CTSK: variants seen among roughly 807,000 people sequenced by gnomAD.
The protein encoded by CTSK is cathepsin O.
CTSK carries 26 observed loss-of-function variants against 40.5 expected under a neutral mutation model. The ratio of observed to expected loss-of-function variants is 0.64; its 90% CI spans 0.47 to 0.89. The LOEUF (loss-of-function observed/expected upper bound fraction) is 0.89, where lower values mean the gene tolerates loss of function less well. CTSK is among the 40% of genes least tolerant of loss of function. The probability of loss-of-function intolerance (pLI) is 0.00; values close to 1 mark genes in which losing one functional copy is unlikely to be tolerated. For missense variants in CTSK, 292 were observed against 400.1 expected, an observed-to-expected ratio of 0.73 and a Z score of 2.30; for synonymous variants, 132 against 143.2, an observed-to-expected ratio of 0.92 and a Z score of 0.56.
chr1:150,802,603 G>A (rs983361601), intron 5 of CTSK, among the ~76,000 whole-genome samples: 1 of 152,064 alleles, frequency 6.6e-6, no homozygotes, highest in African/African-American at 2.4e-5. Flanking sequence ...TTTCTGTAGA[G>A]ATGAGGTCTT....
Position 150,806,242 on chromosome 1 carries a change from A to T in CTSK, c.121-18T>A. On this transcript the variant is annotated intron_variant, in intron 2 of 7. Transcript: ENST00000271651. ...TCATCCACCTAAACAAAGCATAGTC[A>T]GTACTTGTATAGACTGTCTACAGTT... 2 of 1,612,970 alleles carry T rather than the reference A, an allele frequency of 1.2e-6. No individual in the cohort carries two copies. The highest frequency in any genetic ancestry group is 1.7e-5 in the Admixed American group (1 of 60,010).
At chr1:150,798,922 C>A (rs1653927039) in intron 7 of CTSK, among the ~76,000 whole-genome samples, 1 of 152,186 alleles carries the variant, frequency 6.6e-6, no homozygotes, top group Non-Finnish European at 1.5e-5. Context: ...TATAGCCAAA[C>A]AAACCTCGTT....
rs181056495 is a variant in CTSK, at chr1:150,796,396, C to T, written c.*403G>A. On this transcript the variant is annotated 3_prime_UTR_variant, in exon 8 of 8. Transcript: ENST00000271651. ...TCTACCTTGAGGATATAGAAGGGAACTTAGGAAGTGAGAAGTCAGATTACC... is the reference window on the plus strand; with the variant it reads ...TCTACCTTGAGGATATAGAAGGGAATTTAGGAAGTGAGAAGTCAGATTACC... The T allele has an allele frequency of 5.9e-4, 146 of 245,406 alleles. No homozygotes were observed. The highest frequency in any genetic ancestry group is 3.0e-3 in the African/African-American group (136 of 45,240). The allele number at this position is 245,406 out of a possible 1,614,324, so 15.2% of individuals were successfully genotyped here.
chr1:150,800,758 A>G (rs1653975191), intron 5 of CTSK: 1 of 155,364 alleles, frequency 6.4e-6, no homozygotes, highest in African/African-American at 2.4e-5. Flanking sequence ...TACTGTGATC[A>G]TGCTGTGAAT....
intron 5 of CTSK, among the ~76,000 whole-genome samples, chr1:150,800,031 C>A (rs1441871726): frequency 1.3e-5 from 2 of 151,820 alleles, no homozygotes; most frequent in African/African-American, 2.4e-5. Flanking sequence ...CCTGTCTCTA[C>A]TAAAAATGCA....
At chr1:150,804,363 G>T in intron 4 of CTSK, 124 bp from the exon 5 acceptor site, 1 of 780,394 alleles carries the variant, frequency 1.3e-6, no homozygotes, top group Non-Finnish European at 2.2e-6. Context: ...ATTGTTGTGA[G>T]TCTTCCTCTT....
At chr1:150,802,937 A>G (rs1337244654) in intron 5 of CTSK, among the ~76,000 whole-genome samples, 1 of 152,186 alleles carries the variant, frequency 6.6e-6, no homozygotes, top group Non-Finnish European at 1.5e-5. Flanking sequence ...AGAGATAAAA[A>G]CAGTTAATTC....
intron 5 of CTSK, among the ~76,000 whole-genome samples, chr1:150,801,317 C>A (rs1462540420): frequency 6.6e-6 from 1 of 152,030 alleles, no homozygotes; most frequent in African/African-American, 2.4e-5. Context: ...TGGGGTTTCA[C>A]CATGTTATCC....
intron 2 of CTSK, 121 bp downstream of exon 2, chr1:150,806,565 G>C: frequency 1.6e-6 from 2 of 1,279,348 alleles, no homozygotes; most frequent in African/African-American, 1.5e-5. Flanking sequence ...ACATGAGTTA[G>C]GGAAGAGGGA....
Position 150,804,239 on chromosome 1 carries a change from C to T in CTSK, c.400G>A (p.Gly134Ser), listed in dbSNP as rs1226682505. 6.2e-7 allele frequency: 1 copy of T among 1,611,524 alleles called. No individual in the cohort carries two copies. Among genetic ancestry groups the T allele is most frequent in the Non-Finnish European group, 8.5e-7 (1 of 1,177,640 alleles). Residue 134 changes from glycine (G) to serine (S), a missense_variant and splice_region_variant, in exon 5 of 8, where the codon GGT (glycine) becomes AGT (serine). Coordinates refer to ENST00000271651, the MANE Select transcript of CTSK (RefSeq NM_000396.4). ...AAAGCCCAACAGGAACCACACTGACCCTGAAAGGCATACAGAGAAACTATC... is the reference window on the plus strand; with the variant it reads ...AAAGCCCAACAGGAACCACACTGACTCTGAAAGGCATACAGAGAAACTATC... ...KGYVTPVKNQ[G>S]QCGSCWAFSS...
chr1:150,807,320 A>T, intron 1 of CTSK: 1 of 471,420 alleles, frequency 2.1e-6, no homozygotes, highest in Non-Finnish European at 4.4e-6. Context: ...TTTCGTGCCT[A>T]AATTCTGGTA....
chr1:150,798,732 G>T (rs1020828210), intron 7 of CTSK, among the ~76,000 whole-genome samples: 1 of 152,178 alleles, frequency 6.6e-6, no homozygotes, highest in Admixed American at 6.5e-5. Context: ...CCTTGGTGAT[G>T]AGTGAGTTCT....
intron 5 of CTSK, among the ~76,000 whole-genome samples, chr1:150,800,194 C>CAAAGAAAAAAA (rs1653963335): frequency 1.4e-5 from 1 of 71,716 alleles, no homozygotes; most frequent in Non-Finnish European, 2.4e-5. Context: ...GACTCCATCT[C>CAAAGAAAAAAA]AAAAAAAAAA....
At chr1:150,802,131 A>G (rs895990088) in intron 5 of CTSK, among the ~76,000 whole-genome samples, 1 of 151,496 alleles carries the variant, frequency 6.6e-6, no homozygotes, top group African/African-American at 2.4e-5. Flanking sequence ...TACAAAAACT[A>G]GCCGGGCGTG....
intron 5 of CTSK, 93 bp from the exon 6 acceptor site, chr1:150,799,802 G>T: frequency 8.4e-7 from 1 of 1,183,870 alleles, no homozygotes; most frequent in Non-Finnish European, 1.3e-6. Context: ...AGTGATGCCA[G>T]TGAACTAACA....
intron 4 of CTSK, 42 bp downstream of exon 4, chr1:150,805,819 C>A: frequency 6.2e-7 from 1 of 1,609,746 alleles, no homozygotes; most frequent in South Asian, 1.1e-5. Flanking sequence ...AGGAAAAGGT[C>A]ATGCCAGATT....
At position 150,806,205 on chromosome 1, in the gene CTSK, C is replaced by T. The variant is rs199909074; in HGVS notation, c.140G>A (p.Arg47His). ...CTTCAGGTTTTTTTCCCAAATTAAA[C>T]GCCGAGAGATTTCATCCACCTAAAC... The part of the protein sequence containing the change: ...YNNKVDEISR[R>H]LIWEKNLKYI... The change falls in exon 3 of 8, where the codon CGT (arginine) becomes CAT (histidine). Residue 47 changes from arginine to histidine, a missense_variant. Coordinates refer to ENST00000271651, the MANE Select transcript of CTSK (RefSeq NM_000396.4). 2.5e-5 allele frequency: 41 copies of T among 1,613,964 alleles called. No individual in the cohort carries two copies. The highest frequency in any genetic ancestry group is 2.3e-4 in the Admixed American group (14 of 60,012).
intron 5 of CTSK, among the ~76,000 whole-genome samples, chr1:150,802,825 G>A (rs587713387): frequency 6.6e-6 from 1 of 152,150 alleles, no homozygotes; most frequent in Non-Finnish European, 1.5e-5. Flanking sequence ...TTGAGCCCAG[G>A]AAGTGGAGGC....
chr1:150,799,843 T>A, intron 5 of CTSK, 134 bp from the exon 6 acceptor site: 1 of 880,354 alleles, frequency 1.1e-6, no homozygotes. Flanking sequence ...CTAGAGAGGG[T>A]CTGTTCTTCC....
Sources: gnomAD v4.1 joint callset for allele counts (sites outside exome capture counted in the v4.1 genomes callset) on GRCh38, gnomAD v4.1.1 for gene constraint, MANE v1.5 for transcripts, NCBI Gene and HGNC (gene_info 2026-07-23, HGNC 2026-07-21) for gene names.